MSRA: variants seen among roughly 807,000 people sequenced by gnomAD.
MSRA encodes methionine sulfoxide reductase A.
A neutral mutation model predicts 31.3 loss-of-function variants in MSRA; 54 were observed. The observed-to-expected ratio is 1.73, with a 90% CI of 1.39 to 2.17. MSRA has a LOEUF of 2.17. Among genes scored for constraint, MSRA ranks in the 30% most tolerant of loss-of-function variants. MSRA has a pLI of 0.00. For synonymous variants in MSRA, 169 were observed against 116.5 expected, an observed-to-expected ratio of 1.45 and a Z score of -2.90; for missense variants, 507 against 300.9, an observed-to-expected ratio of 1.69 and a Z score of -5.07.
chr8:10,292,854 G>A (rs1473356238), intron 3 of MSRA, among the ~76,000 whole-genome samples: 2 of 152,132 alleles, frequency 1.3e-5, no homozygotes, highest in African/African-American at 2.4e-5. Flanking sequence ...GGAGCCGGTG[G>A]TGGGTGTGAG....
intron 1 of MSRA, among the ~76,000 whole-genome samples, chr8:10,069,529 G>A (rs1340906955): frequency 6.6e-6 from 1 of 152,222 alleles, no homozygotes; most frequent in African/African-American, 2.4e-5. Flanking sequence ...CAACATGTCA[G>A]CAAGTTCAGT....
At chr8:10,135,534 A>G (rs1418122724) in intron 1 of MSRA, among the ~76,000 whole-genome samples, 6 of 152,230 alleles carry the variant, frequency 3.9e-5, no homozygotes, top group African/African-American at 1.2e-4. Flanking sequence ...CAGGTATTAT[A>G]TTAGGTATTT....
intron 2 of MSRA, among the ~76,000 whole-genome samples, chr8:10,243,052 G>A (rs1468030485): frequency 6.6e-6 from 1 of 152,082 alleles, no homozygotes; most frequent in East Asian, 1.9e-4. Context: ...TGCTTGGTTT[G>A]GCCAAGAACA....
intron 5 of MSRA, among the ~76,000 whole-genome samples, chr8:10,340,076 G>A (rs1042178781): frequency 1.3e-5 from 2 of 152,140 alleles, no homozygotes; most frequent in Admixed American, 1.3e-4. Context: ...AATATGAGTA[G>A]CCAATAATGC....
At chr8:10,077,014 C>A (rs1798026169) in intron 1 of MSRA, among the ~76,000 whole-genome samples, 1 of 145,360 alleles carries the variant, frequency 6.9e-6, no homozygotes, top group South Asian at 2.2e-4. Context: ...ATGTAATAAA[C>A]CTGCACATCC....
At chr8:10,383,279 C>G in intron 5 of MSRA, among the ~76,000 whole-genome samples, 1 of 152,134 alleles carries the variant, frequency 6.6e-6, no homozygotes, top group East Asian at 1.9e-4. Context: ...GAGGACTTTG[C>G]CAAAGCATCT....
chr8:10,356,851 G>A (rs184059226), intron 5 of MSRA, among the ~76,000 whole-genome samples: 33 of 148,826 alleles, frequency 2.2e-4, no homozygotes, highest in African/African-American at 7.7e-4. Flanking sequence ...TCAACACAGC[G>A]TGCACGTTCC....
chr8:10,290,104 A>T (rs1461800145), intron 3 of MSRA, among the ~76,000 whole-genome samples: 1 of 152,182 alleles, frequency 6.6e-6, no homozygotes, highest in Non-Finnish European at 1.5e-5. Flanking sequence ...ATGCCCTCAA[A>T]TGTAGAAAAA....
In MSRA at chr8:10,402,769, A is replaced by G. The variant is rs144871844; in HGVS notation, c.544-25379A>G. Among the ~76,000 whole-genome samples, 92 of 152,334 alleles carry G rather than the reference A, an allele frequency of 6.0e-4. 1 individual carries two copies. Among genetic ancestry groups the G allele is most frequent in the African/African-American group, 2.1e-3 (87 of 41,578 alleles). On this transcript the variant is annotated intron_variant, in intron 5 of 5. Transcript: ENST00000317173. ...AAGTATAGTGCAGTGATACTTTTGCATAGTATTTGCAGTTATTTGCTTTGC... is the reference window on the plus strand; with the variant it reads ...AAGTATAGTGCAGTGATACTTTTGCGTAGTATTTGCAGTTATTTGCTTTGC...
rs1162649070 is a variant in MSRA, at chr8:10,225,260, C to A, written c.211+17359C>A. Reference sequence around the variant, plus strand: ...TGTATTCAGTTGAAACCCTACTCTTCCTTGAAGTCTCTGTGACTTTCCTCA... The same window carrying A: ...TGTATTCAGTTGAAACCCTACTCTTACTTGAAGTCTCTGTGACTTTCCTCA... On this transcript the variant is annotated intron_variant, in intron 2 of 5. Transcript: ENST00000317173. 2.0e-5 allele frequency among the ~76,000 whole-genome samples: 3 copies of A among 152,240 alleles called. No homozygotes were observed. In the East Asian group the frequency reaches 5.8e-4, roughly 29 times the overall value.
rs186091048 is a variant in MSRA at position 10,247,200 on chromosome 8, T to C, written c.331+1977T>C. On this transcript the variant is annotated intron_variant, in intron 3 of 5. Transcript: ENST00000317173. ...ATAAGCACTTTTTCTGTCTTTGCTT[T>C]TCTCTAAGCAGTTCCATGAAGTATG... Among the ~76,000 whole-genome samples the C allele has an allele frequency of 2.8e-3, 422 of 152,368 alleles. 1 individual carries two copies. The highest frequency in any genetic ancestry group is 0.024 in the South Asian group (114 of 4,826).
chr8:10,303,216 A>G (rs2129126506), intron 4 of MSRA, among the ~76,000 whole-genome samples: 1 of 152,348 alleles, frequency 6.6e-6, no homozygotes, highest in African/African-American at 2.4e-5. Flanking sequence ...CTGCAATGCC[A>G]CGTCCTGATA....
In MSRA at chr8:10,407,189, C is replaced by T. The variant is rs147248711; in HGVS notation, c.544-20959C>T. On this transcript the variant is annotated intron_variant, in intron 5 of 5. Transcript: ENST00000317173. The stretch of plus-strand genomic sequence containing the variant: ...ACCATGCCCAGCCTAGACTATGTGA[C>T]ATTTTCTTTGTGTTCTTGCAAATGT... Among the ~76,000 whole-genome samples the T allele has an allele frequency of 3.9e-5, 6 of 152,328 alleles. No homozygotes were observed. In the South Asian group the frequency reaches 1.2e-3, roughly 32 times the overall value.
intron 1 of MSRA, among the ~76,000 whole-genome samples, chr8:10,067,631 C>T (rs1797525853): frequency 6.6e-6 from 1 of 152,148 alleles, no homozygotes; most frequent in Non-Finnish European, 1.5e-5. Context: ...TTTGCATTGC[C>T]ACCAGCAATA....
intron 2 of MSRA, among the ~76,000 whole-genome samples, chr8:10,230,016 A>T (rs1348672893): frequency 6.6e-6 from 1 of 152,228 alleles, no homozygotes; most frequent in African/African-American, 2.4e-5. Flanking sequence ...CACTACATTG[A>T]TAAAGATGCT....
At position 10,428,469 on chromosome 8, in the gene MSRA, C is replaced by G. The variant is rs12675295; in HGVS notation, c.*157C>G. The G allele has an allele frequency of 1.3e-6, 1 of 746,016 alleles. No individual in the cohort carries two copies. The allele number at this position is 746,016 out of a possible 1,614,324, so 46.2% of individuals were successfully genotyped here. A position where few individuals can be genotyped will look rare whatever the true frequency, so the allele number is the denominator to read the frequency against. On this transcript the variant is annotated 3_prime_UTR_variant, in exon 6 of 6. Coordinates refer to ENST00000317173, the MANE Select transcript of MSRA (RefSeq NM_012331.5). ...ACCGAAGTATAATCTATAGGAGGCGCGATGGCAAGTTGATAAAATGTGACT... is the reference window on the plus strand; with the variant it reads ...ACCGAAGTATAATCTATAGGAGGCGGGATGGCAAGTTGATAAAATGTGACT...
chr8:10,406,611 G>C (rs1380896981), intron 5 of MSRA, among the ~76,000 whole-genome samples: 1 of 152,166 alleles, frequency 6.6e-6, no homozygotes, highest in Non-Finnish European at 1.5e-5. Context: ...CCTTGGTGCT[G>C]GCCAGTCTGT....
intron 5 of MSRA, among the ~76,000 whole-genome samples, chr8:10,385,425 CT>C (rs1806325369): frequency 6.6e-6 from 1 of 152,212 alleles, no homozygotes; most frequent in Non-Finnish European, 1.5e-5. Context: ...CAAAGTGAGA[CT>C]CTGTCAGAAT....
intron 3 of MSRA, among the ~76,000 whole-genome samples, chr8:10,290,413 G>C (rs1429509628): frequency 6.6e-6 from 1 of 152,088 alleles, no homozygotes; most frequent in African/African-American, 2.4e-5. Context: ...TGACCTTTCA[G>C]GTCCCTTACA....
Sources: gnomAD v4.1 joint callset for allele counts (sites outside exome capture counted in the v4.1 genomes callset) on GRCh38, gnomAD v4.1.1 for gene constraint, MANE v1.5 for transcripts, NCBI Gene and HGNC (gene_info 2026-07-23, HGNC 2026-07-21) for gene names.